Variants in BLM observed in about 807,000 individuals in gnomAD.
The protein encoded by BLM is recQ-like DNA helicase BLM.
BLM carries 95 observed loss-of-function variants against 135.3 expected under a neutral mutation model. That is an observed-to-expected ratio of 0.70 (90% CI 0.59 to 0.83). The LOEUF (loss-of-function observed/expected upper bound fraction) is 0.83, where lower values mean the gene tolerates loss of function less well. BLM is among the 40% of genes least tolerant of loss of function. BLM has a pLI of 0.00. For synonymous variants in BLM, 520 were observed against 589.2 expected, an observed-to-expected ratio of 0.88 and a Z score of 1.70; for missense variants, 1,518 against 1,663.9, an observed-to-expected ratio of 0.91 and a Z score of 1.53.
chr15:90,761,800 T>C (rs1044201680), intron 7 of BLM, among the ~76,000 whole-genome samples: 1 of 152,176 alleles, frequency 6.6e-6, no homozygotes, highest in Non-Finnish European at 1.5e-5. Context: ...TGGGCGCCGA[T>C]CATTTAAAGA....
chr15:90,790,742 T>TA lies in BLM; in HGVS notation c.2918dup (p.Tyr973Ter). 4.3e-6 allele frequency: 7 copies of TA among 1,614,154 alleles called. No individual in the cohort carries two copies. Among genetic ancestry groups the TA allele is most frequent in the Non-Finnish European group, 5.9e-6 (7 of 1,179,986 alleles). ...ATCTCTCCCTAAATCTGTGGAGGGT[T>TA]ACTACCAAGAATCTGGCAGAGCTGG... ...HASLPKSVEG[Y>*]YQESGRAGRD... The change falls in exon 15 of 22, where the codon TAC (tyrosine) becomes TAAC (stop). Residue 973 changes from tyrosine to a stop codon, truncating the protein, a stop_gained and frameshift_variant. Coordinates refer to ENST00000355112, the MANE Select transcript of BLM (RefSeq NM_000057.4). LOFTEE classifies it high-confidence loss of function.
At chr15:90,790,102 G>T (rs1423070781) in intron 14 of BLM, among the ~76,000 whole-genome samples, 1 of 143,966 alleles carries the variant, frequency 6.9e-6, no homozygotes, top group Non-Finnish European at 1.5e-5. Context: ...ATCAGCTGAT[G>T]AATAGAAGGA....
At chr15:90,799,544 A>G (rs1266728003) in intron 17 of BLM, among the ~76,000 whole-genome samples, 2 of 151,592 alleles carry the variant, frequency 1.3e-5, no homozygotes, top group Admixed American at 6.6e-5. Flanking sequence ...TTATCAAACC[A>G]ATGATCTAGG....
intron 1 of BLM, among the ~76,000 whole-genome samples, chr15:90,726,618 TC>T (rs1322741907): frequency 1.3e-5 from 2 of 152,202 alleles, no homozygotes; most frequent in African/African-American, 4.8e-5. Context: ...GCCTCCAGTG[TC>T]CTCTGTTCTA....
intron 1 of BLM, among the ~76,000 whole-genome samples, chr15:90,744,584 T>C (rs536400385): frequency 3.3e-5 from 5 of 151,970 alleles, no homozygotes; most frequent in Middle Eastern, 3.4e-3. Flanking sequence ...ATTGGCCAGG[T>C]TGGTCTTGAT....
intron 19 of BLM, among the ~76,000 whole-genome samples, chr15:90,804,892 A>G (rs892372509): frequency 5.9e-5 from 9 of 152,136 alleles, no homozygotes; most frequent in African/African-American, 2.2e-4. Context: ...GCTGGAGTGC[A>G]GTGGCGCGAT....
At chr15:90,799,113 C>T (rs183239965) in intron 17 of BLM, among the ~76,000 whole-genome samples, 9 of 151,086 alleles carry the variant, frequency 6.0e-5, no homozygotes, top group East Asian at 3.9e-4. Flanking sequence ...TGCAGTGAGC[C>T]GAGGTCACGC....
intron 1 of BLM, among the ~76,000 whole-genome samples, chr15:90,719,195 G>A (rs1894696602): frequency 6.6e-6 from 1 of 152,136 alleles, no homozygotes; most frequent in African/African-American, 2.4e-5. Flanking sequence ...GTTTCACTGT[G>A]TTAGCCAGGA....
At position 90,760,138 on chromosome 15, in the gene BLM, AT is replaced by A. The variant is rs1596228766; in HGVS notation, c.1088-5del. The A allele has an allele frequency of 6.2e-7, 1 of 1,608,428 alleles. No homozygotes were observed. The highest frequency in any genetic ancestry group is 8.5e-7 in the Non-Finnish European group (1 of 1,175,642). On this transcript the variant is annotated splice_region_variant and splice_polypyrimidine_tract_variant and intron_variant, in intron 5 of 21. Coordinates refer to ENST00000355112, the MANE Select transcript of BLM (RefSeq NM_000057.4). ...AAAGAAAAATATTAACAACATAATT[AT>A]TTTATAGCTAGACAGATAAGTTTAC...
Position 90,791,720 on chromosome 15 carries a change from C to T in BLM, c.3019+876C>T, listed in dbSNP as rs188630590. Among the ~76,000 whole-genome samples, 4 of 152,120 alleles carry T rather than the reference C, an allele frequency of 2.6e-5. No homozygotes were observed. In the East Asian group the frequency reaches 7.7e-4, roughly 29 times the overall value. On this transcript the variant is annotated intron_variant, in intron 15 of 21. Coordinates refer to ENST00000355112, the MANE Select transcript of BLM (RefSeq NM_000057.4). The stretch of plus-strand genomic sequence containing the variant: ...GTGGCAGAATCTTGGCTCACTGCAA[C>T]CTCCGCCTCCCGGGTTCAAGCGATT...
At chr15:90,755,827 G>A (rs913022160) in intron 5 of BLM, among the ~76,000 whole-genome samples, 14 of 151,738 alleles carry the variant, frequency 9.2e-5, no homozygotes, top group Non-Finnish European at 1.8e-4. Context: ...GGCAATTTCC[G>A]AGAGCTCTTC....
chr15:90,801,587 C>G (rs1897166837), intron 17 of BLM, among the ~76,000 whole-genome samples: 1 of 152,070 alleles, frequency 6.6e-6, no homozygotes, highest in African/African-American at 2.4e-5. Flanking sequence ...AAAACCTCAT[C>G]TTTCATAATA....
chr15:90,809,345 G>A (rs1482477183), intron 20 of BLM, 86 bp downstream of exon 20: 2 of 1,596,098 alleles, frequency 1.3e-6, no homozygotes, highest in East Asian at 2.2e-5. Flanking sequence ...GCAGTTGTGT[G>A]AATGCTTCCT....
chr15:90,784,783 C>T (rs145579346), intron 13 of BLM, 138 bp from the exon 14 acceptor site: 9 of 872,158 alleles, frequency 1.0e-5, no homozygotes, highest in South Asian at 6.6e-5. Flanking sequence ...GAATTATTCA[C>T]GTGTGTGGTC....
Position 90,751,908 on chromosome 15 carries a change from AATT to A in BLM, c.925_927del (p.Ile309del). 2 of 1,613,060 alleles carry A rather than the reference AATT, an allele frequency of 1.2e-6. No homozygotes were observed. Among genetic ancestry groups the A allele is most frequent in the Non-Finnish European group, 1.7e-6 (2 of 1,179,176 alleles). On this transcript the variant is annotated inframe_deletion, in exon 4 of 22. Coordinates refer to ENST00000355112, the MANE Select transcript of BLM (RefSeq NM_000057.4). Reference sequence around the variant, plus strand: ...ATTTTGTTCCACCTTCTCCAGAAGAAATTATTTCTGCTTCTTCTTCCTCTTCAA... The same window carrying A: ...ATTTTGTTCCACCTTCTCCAGAAGAAATTTCTGCTTCTTCTTCCTCTTCAA...
chr15:90,756,985 GC>G (rs1895836189), intron 5 of BLM, among the ~76,000 whole-genome samples: 2 of 152,172 alleles, frequency 1.3e-5, no homozygotes, highest in African/African-American at 4.8e-5. Flanking sequence ...AAGATAAAGT[GC>G]CTAGTACACT....
At chr15:90,780,170 C>T (rs181682773) in intron 12 of BLM, among the ~76,000 whole-genome samples, 5 of 151,550 alleles carry the variant, frequency 3.3e-5, no homozygotes, top group Non-Finnish European at 7.4e-5. Context: ...CTGCAACCTC[C>T]GCCTCTCAGG....
At chr15:90,746,227 G>A (rs1392026887) in intron 1 of BLM, among the ~76,000 whole-genome samples, 1 of 152,206 alleles carries the variant, frequency 6.6e-6, no homozygotes, top group Non-Finnish European at 1.5e-5. Context: ...TATTGGATGA[G>A]TTGATAATTG....
chr15:90,778,197 T>C (rs951265255), intron 12 of BLM, among the ~76,000 whole-genome samples: 4 of 152,224 alleles, frequency 2.6e-5, no homozygotes, highest in African/African-American at 9.7e-5. Flanking sequence ...TTGGTTTTAA[T>C]TGGATTCATG....
Sources: gnomAD v4.1 joint callset for allele counts (sites outside exome capture counted in the v4.1 genomes callset) on GRCh38, gnomAD v4.1.1 for gene constraint, MANE v1.5 for transcripts, NCBI Gene and HGNC (gene_info 2026-07-23, HGNC 2026-07-21) for gene names.